Variants in PPP1R14C observed in about 807,000 individuals in gnomAD.
The protein encoded by PPP1R14C is protein phosphatase 1 regulatory inhibitor subunit 14C.
In PPP1R14C, 16 loss-of-function variants were observed where a neutral mutation model predicts 20.4. The observed-to-expected ratio is 0.78, with a 90% CI of 0.53 to 1.19. The LOEUF is 1.19. Ranked by LOEUF, PPP1R14C falls within the 50% of genes most tolerant of loss-of-function variation. The pLI is 0.00. For synonymous variants in PPP1R14C, 91 were observed against 91.0 expected (o/e 1.00, Z 0.00); for missense variants, 211 against 220.1 (o/e 0.96, Z 0.26).
intron 1 of PPP1R14C, among the ~76,000 whole-genome samples, chr6:150,175,151 G>A (rs1324594329): frequency 6.6e-6 from 1 of 152,180 alleles, no homozygotes; most frequent in African/African-American, 2.4e-5. Flanking sequence ...GTGCTGGGCT[G>A]TTCTAAGGCT....
At chr6:150,145,068 T>C (rs959818628) in intron 1 of PPP1R14C, among the ~76,000 whole-genome samples, 1 of 152,180 alleles carries the variant, frequency 6.6e-6, no homozygotes, top group Non-Finnish European at 1.5e-5. Flanking sequence ...AAATTAACAG[T>C]GCACCAGCAT....
chr6:150,247,002 G>C (rs190919899), intron 3 of PPP1R14C, among the ~76,000 whole-genome samples: 1 of 152,036 alleles, frequency 6.6e-6, no homozygotes, highest in Non-Finnish European at 1.5e-5. Flanking sequence ...ATTGTTGCTG[G>C]TTGTATTTTC....
chr6:150,178,565 T>G (rs1376611645), intron 1 of PPP1R14C, among the ~76,000 whole-genome samples: 1 of 152,222 alleles, frequency 6.6e-6, no homozygotes, highest in Non-Finnish European at 1.5e-5. Context: ...ATGTGAAGTA[T>G]CTCAACCAAA....
intron 3 of PPP1R14C, among the ~76,000 whole-genome samples, chr6:150,224,849 A>G (rs2114919204): frequency 6.6e-6 from 1 of 152,300 alleles, no homozygotes; most frequent in Non-Finnish European, 1.5e-5. Flanking sequence ...TGAATTAGGT[A>G]AAAGGAACTG....
chr6:150,190,900 G>A (rs773315477), intron 1 of PPP1R14C, among the ~76,000 whole-genome samples: 113 of 152,112 alleles, frequency 7.4e-4, no homozygotes, highest in Admixed American at 1.2e-3. Context: ...TCCTCAACCC[G>A]GATGCCAGAG....
intron 3 of PPP1R14C, among the ~76,000 whole-genome samples, chr6:150,229,700 G>A (rs374869858): frequency 2.6e-5 from 4 of 152,270 alleles, no homozygotes; most frequent in East Asian, 3.9e-4. Flanking sequence ...GGAAAAAACA[G>A]GATGTAGTTA....
chr6:150,239,501 G>A (rs1258442955), intron 3 of PPP1R14C, among the ~76,000 whole-genome samples: 4 of 152,102 alleles, frequency 2.6e-5, no homozygotes, highest in African/African-American at 9.7e-5. Context: ...AAATTAAAAG[G>A]GAAATTAGAA....
At chr6:150,236,808 G>A (rs1300778383) in intron 3 of PPP1R14C, among the ~76,000 whole-genome samples, 1 of 152,162 alleles carries the variant, frequency 6.6e-6, no homozygotes, top group Non-Finnish European at 1.5e-5. Flanking sequence ...GCTGATTTTG[G>A]TCCTGGGCTG....
intron 1 of PPP1R14C, among the ~76,000 whole-genome samples, chr6:150,168,332 C>CGA (rs1777456436): frequency 6.6e-6 from 1 of 151,630 alleles, no homozygotes; most frequent in Non-Finnish European, 1.5e-5. Flanking sequence ...CTCAGGAGAT[C>CGA]GAGACCATCC....
chr6:150,214,973 C>T (rs1464535762), intron 2 of PPP1R14C, 146 bp downstream of exon 2: 8 of 603,054 alleles, frequency 1.3e-5, no homozygotes, highest in Non-Finnish European at 2.0e-5. Flanking sequence ...AAGCAATGGG[C>T]TGCTAAGTGT....
chr6:150,166,369 C>T (rs191099937), intron 1 of PPP1R14C, among the ~76,000 whole-genome samples: 12 of 152,286 alleles, frequency 7.9e-5, no homozygotes, highest in South Asian at 2.1e-4. Context: ...CCTGAGCCAC[C>T]GCGCCCAGCC....
At chr6:150,169,003 A>G (rs967882999) in intron 1 of PPP1R14C, among the ~76,000 whole-genome samples, 1 of 152,140 alleles carries the variant, frequency 6.6e-6, no homozygotes, top group African/African-American at 2.4e-5. Flanking sequence ...CAGCCTCCCA[A>G]GTAGCTGGGA....
chr6:150,193,218 G>C (rs574270723), intron 1 of PPP1R14C, among the ~76,000 whole-genome samples: 12 of 151,994 alleles, frequency 7.9e-5, no homozygotes, highest in African/African-American at 2.2e-4. Flanking sequence ...GTCACTCAAG[G>C]CTTGTTTAAT....
At chr6:150,220,044 C>G (rs973212718) in intron 3 of PPP1R14C, among the ~76,000 whole-genome samples, 2 of 151,456 alleles carry the variant, frequency 1.3e-5, no homozygotes, top group African/African-American at 4.9e-5. Flanking sequence ...TTAGTAGAGG[C>G]GGATTTTGCC....
At chr6:150,221,723 A>G (rs1778169550) in intron 3 of PPP1R14C, among the ~76,000 whole-genome samples, 2 of 152,212 alleles carry the variant, frequency 1.3e-5, no homozygotes, top group Admixed American at 1.3e-4. Flanking sequence ...TTCCTCCTCT[A>G]TAAAATGGAG....
Position 150,248,813 on chromosome 6 carries a change from G to C in PPP1R14C, c.491G>C (p.Ser164Thr). ...MRKLSPPQKKSV is the reference protein window; with the variant it reads ...MRKLSPPQKKTV ...AAACTGAGCCCTCCGCAGAAGAAGA[G>C]TGTATGATTCTGGAACAGGGTGAAA... is the stretch of plus-strand genomic sequence containing the variant. Residue 164 changes from serine (S) to threonine (T), a missense_variant, in exon 4 of 4, where the codon AGT becomes ACT. Ser to Thr is a moderately conservative substitution (Grantham distance 58). Transcript: ENST00000361131. The C allele has an allele frequency of 6.2e-7, 1 of 1,610,060 alleles. No homozygotes were observed. Among genetic ancestry groups the C allele is most frequent in the Non-Finnish European group, 8.5e-7 (1 of 1,176,452 alleles).
chr6:150,153,917 G>A (rs942633585), intron 1 of PPP1R14C, among the ~76,000 whole-genome samples: 4 of 152,186 alleles, frequency 2.6e-5, no homozygotes, highest in African/African-American at 9.7e-5. Flanking sequence ...GGGCAGGAAA[G>A]GGGTTATAAA....
chr6:150,224,232 T>A (rs1207116379), intron 3 of PPP1R14C, among the ~76,000 whole-genome samples: 5 of 152,228 alleles, frequency 3.3e-5, no homozygotes, highest in African/African-American at 4.8e-5. Context: ...AATACCACAC[T>A]GTCCTGATTA....
At chr6:150,163,187 C>A (rs201997884) in intron 1 of PPP1R14C, among the ~76,000 whole-genome samples, 1 of 152,074 alleles carries the variant, frequency 6.6e-6, no homozygotes, top group Non-Finnish European at 1.5e-5. Flanking sequence ...GTCAGGAGAT[C>A]GAGACCATCC....
Sources: gnomAD v4.1 joint callset for allele counts (sites outside exome capture counted in the v4.1 genomes callset) on GRCh38, gnomAD v4.1.1 for gene constraint, MANE v1.5 for transcripts, NCBI Gene and HGNC (gene_info 2026-07-23, HGNC 2026-07-21) for gene names.